Variants in KCTD8 observed in about 807,000 individuals in gnomAD.
KCTD8 encodes BTB/POZ domain-containing protein KCTD8.
KCTD8 carries 27 observed loss-of-function variants against 31.5 expected under a neutral mutation model. The observed-to-expected ratio is 0.86, with a 90% CI of 0.63 to 1.18. KCTD8 has a LOEUF of 1.18. KCTD8 is among the 50% of genes most tolerant of loss of function. The pLI, the probability that KCTD8 is intolerant of heterozygous loss-of-function variation, is 0.00. For missense variants in KCTD8, 658 were observed against 647.7 expected (o/e 1.02, Z -0.17); for synonymous variants, 290 against 280.0 (o/e 1.04, Z -0.36).
chr4:44,226,570 T>G (rs1714970037), intron 1 of KCTD8, among the ~76,000 whole-genome samples: 1 of 152,222 alleles, frequency 6.6e-6, no homozygotes. Flanking sequence ...ATGGGATTGC[T>G]GGGTCAAATG....
At chr4:44,402,536 G>C (rs1720690814) in intron 1 of KCTD8, among the ~76,000 whole-genome samples, 2 of 152,084 alleles carry the variant, frequency 1.3e-5, no homozygotes, top group Admixed American at 1.3e-4. Flanking sequence ...CGTGAATTTA[G>C]CCAAACCTCT....
chr4:44,273,273 G>A (rs1301523990), intron 1 of KCTD8, among the ~76,000 whole-genome samples: 1 of 151,870 alleles, frequency 6.6e-6, no homozygotes, highest in East Asian at 1.9e-4. Flanking sequence ...TATATTGAAA[G>A]GCATTTGACT....
At chr4:44,267,449 T>C (rs1328177820) in intron 1 of KCTD8, among the ~76,000 whole-genome samples, 2 of 151,854 alleles carry the variant, frequency 1.3e-5, no homozygotes, top group Non-Finnish European at 2.9e-5. Context: ...GCAGGAAAGA[T>C]CCAAAATTGA....
At position 44,448,718 on chromosome 4, in the gene KCTD8, GAC is replaced by G. The variant is rs923178566; in HGVS notation, c.-197_-196del. ...GGCGCCCGAGCTCCATCGGAGGAGAGACGCGCGAGAGAGGAGCTCCGCCGGTG... is the reference window on the plus strand; with the variant it reads ...GGCGCCCGAGCTCCATCGGAGGAGAGGCGCGAGAGAGGAGCTCCGCCGGTG... On this transcript the variant is annotated 5_prime_UTR_variant, in exon 1 of 2. Transcript: ENST00000360029. The surrounding 1 kb of genome is among the most constrained non-coding windows in gnomAD (Gnocchi z 4.1). 3 of 445,276 alleles carry G rather than the reference GAC, an allele frequency of 6.7e-6. No homozygotes were observed. Among genetic ancestry groups the G allele is most frequent in the Non-Finnish European group, 1.1e-5 (3 of 270,978 alleles). The allele number at this position is 445,276 out of a possible 1,614,324, so 27.6% of individuals were successfully genotyped here.
intron 1 of KCTD8, among the ~76,000 whole-genome samples, chr4:44,360,901 C>G (rs768924896): frequency 6.6e-6 from 1 of 151,722 alleles, no homozygotes; most frequent in Non-Finnish European, 1.5e-5. Context: ...ATTTGATTCC[C>G]AATATTTCAT....
At chr4:44,395,684 C>T (rs981307696) in intron 1 of KCTD8, among the ~76,000 whole-genome samples, 9 of 152,074 alleles carry the variant, frequency 5.9e-5, no homozygotes, top group Admixed American at 1.3e-4. Flanking sequence ...TGAGTGTATA[C>T]ATTTACCTTT....
intron 1 of KCTD8, among the ~76,000 whole-genome samples, chr4:44,178,731 A>G (rs573348392): frequency 6.6e-6 from 1 of 152,346 alleles, no homozygotes; most frequent in South Asian, 2.1e-4. Flanking sequence ...GAAAGAGAGT[A>G]CTAGATACTA....
At chr4:44,399,429 C>A (rs1411455089) in intron 1 of KCTD8, among the ~76,000 whole-genome samples, 1 of 152,018 alleles carries the variant, frequency 6.6e-6, no homozygotes, top group East Asian at 1.9e-4. Flanking sequence ...GGCAAACAAA[C>A]CAGTGGAATA....
At chr4:44,205,041 T>G (rs1218029557) in intron 1 of KCTD8, among the ~76,000 whole-genome samples, 1 of 151,938 alleles carries the variant, frequency 6.6e-6, no homozygotes, top group African/African-American at 2.4e-5. Context: ...ATTGAAAAAA[T>G]AGAAGTAATG....
At chr4:44,247,894 G>C (rs1715713531) in intron 1 of KCTD8, among the ~76,000 whole-genome samples, 1 of 151,698 alleles carries the variant, frequency 6.6e-6, no homozygotes, top group African/African-American at 2.4e-5. Context: ...TTGGCTTTGT[G>C]AATAATGCTG....
rs537152600 is a variant in KCTD8, at chr4:44,191,437, G to A, written c.962-16187C>T. ...ATAAGGTCTGACTGCCTATGGGGTC[G>A]GGCAAAAAGAGCCATATTTTTCTTC... On this transcript the variant is annotated intron_variant, in intron 1 of 1. Coordinates refer to ENST00000360029, the MANE Select transcript of KCTD8 (RefSeq NM_198353.3). Among the ~76,000 whole-genome samples, 52 of 152,208 alleles carry A rather than the reference G, an allele frequency of 3.4e-4. 1 individual carries two copies. Among genetic ancestry groups the A allele is most frequent in the Non-Finnish European group, 5.7e-4 (39 of 68,000 alleles).
chr4:44,406,074 C>T (rs1720787491), intron 1 of KCTD8, among the ~76,000 whole-genome samples: 2 of 152,034 alleles, frequency 1.3e-5, no homozygotes, highest in African/African-American at 4.8e-5. Flanking sequence ...ACACTTCTTT[C>T]TTTATAATAT....
chr4:44,233,756 C>A (rs563168482), intron 1 of KCTD8, among the ~76,000 whole-genome samples: 1 of 152,118 alleles, frequency 6.6e-6, no homozygotes, highest in South Asian at 2.1e-4. Context: ...AAAGAAAAAC[C>A]ATACATTATA....
intron 1 of KCTD8, among the ~76,000 whole-genome samples, chr4:44,378,201 C>T (rs975449072): frequency 3.5e-5 from 5 of 144,586 alleles, no homozygotes; most frequent in Admixed American, 2.8e-4. Context: ...AAAATACATA[C>T]ATATATATGT....
intron 1 of KCTD8, among the ~76,000 whole-genome samples, chr4:44,186,585 C>T (rs1713594558): frequency 6.6e-6 from 1 of 152,206 alleles, no homozygotes; most frequent in African/African-American, 2.4e-5. Context: ...GAGCTGTAAA[C>T]ATTCACCCCT....
At chr4:44,381,770 C>G (rs183099420) in intron 1 of KCTD8, among the ~76,000 whole-genome samples, 37 of 151,886 alleles carry the variant, frequency 2.4e-4, no homozygotes, top group African/African-American at 8.2e-4. Context: ...CCACTTCTCT[C>G]TTGCTCCTGT....
chr4:44,397,648 A>AT (rs1720540151), intron 1 of KCTD8, among the ~76,000 whole-genome samples: 1 of 152,074 alleles, frequency 6.6e-6, no homozygotes, highest in Non-Finnish European at 1.5e-5. Context: ...AATTTGAATA[A>AT]TTTTTCTTTT....
At chr4:44,260,318 C>G (rs1273888114) in intron 1 of KCTD8, among the ~76,000 whole-genome samples, 8 of 151,686 alleles carry the variant, frequency 5.3e-5, no homozygotes, top group Non-Finnish European at 7.4e-5. Flanking sequence ...AACTGATCAC[C>G]TACTATGTTC....
chr4:44,390,942 T>C (rs1720356000), intron 1 of KCTD8, among the ~76,000 whole-genome samples: 1 of 151,892 alleles, frequency 6.6e-6, no homozygotes, highest in Non-Finnish European at 1.5e-5. Context: ...ACTAGGTATC[T>C]ACCCAGAGGA....
Sources: gnomAD v4.1 joint callset for allele counts (sites outside exome capture counted in the v4.1 genomes callset) on GRCh38, gnomAD v4.1.1 for gene constraint, Gnocchi (gnomAD v3.1) non-coding constraint, MANE v1.5 for transcripts, NCBI Gene and HGNC (gene_info 2026-07-23, HGNC 2026-07-21) for gene names.